Variants in SMAD3 observed in about 807,000 individuals in gnomAD.
The protein encoded by SMAD3 is MAD homolog 3.
In SMAD3, 12 loss-of-function variants were observed where a neutral mutation model predicts 51.8. The observed-to-expected ratio is 0.23, with a 90% CI of 0.15 to 0.38. SMAD3 has a LOEUF of 0.38. Among genes scored for constraint, SMAD3 ranks in the 10% least tolerant of loss-of-function variants. SMAD3 has a pLI of 1.00. For synonymous variants in SMAD3, 238 were observed against 227.7 expected (o/e 1.05, Z -0.41); for missense variants, 294 against 565.6 (o/e 0.52, Z 4.87).
chr15:67,076,739 A>G (rs1960178951), intron 1 of SMAD3, among the ~76,000 whole-genome samples: 1 of 152,208 alleles, frequency 6.6e-6, no homozygotes, highest in Admixed American at 6.5e-5. Flanking sequence ...TTTCCAGATC[A>G]TGCTCAGAGG....
intron 5 of SMAD3, among the ~76,000 whole-genome samples, chr15:67,173,935 T>C (rs1485075844): frequency 7.2e-5 from 11 of 152,086 alleles, no homozygotes; most frequent in Non-Finnish European, 1.3e-4. Flanking sequence ...GGAAGTGGAA[T>C]GGGTTGGGGG....
At chr15:67,160,664 G>A (rs1017640679) in intron 1 of SMAD3, among the ~76,000 whole-genome samples, 3 of 151,586 alleles carry the variant, frequency 2.0e-5, no homozygotes, top group East Asian at 1.9e-4. Flanking sequence ...CCAGTTGCTC[G>A]GGAGGCTGAG....
intron 1 of SMAD3, among the ~76,000 whole-genome samples, chr15:67,133,578 T>A (rs181442547): frequency 1.3e-5 from 2 of 152,284 alleles, no homozygotes; most frequent in East Asian, 3.9e-4. Flanking sequence ...AAAATGAATG[T>A]AGGTGTAGTT....
At chr15:67,071,923 A>G (rs573251994) in intron 1 of SMAD3, among the ~76,000 whole-genome samples, 36 of 152,328 alleles carry the variant, frequency 2.4e-4, no homozygotes, top group African/African-American at 8.2e-4. Context: ...CTTGCTGAGA[A>G]TAAATCCTAG....
At chr15:67,163,432 C>T (rs1011173954) in intron 1 of SMAD3, among the ~76,000 whole-genome samples, 21 of 152,188 alleles carry the variant, frequency 1.4e-4, no homozygotes, top group Admixed American at 1.2e-3. Context: ...CACCTCCTCA[C>T]CTGTCTAATA....
intron 1 of SMAD3, among the ~76,000 whole-genome samples, chr15:67,126,269 T>G (rs963866898): frequency 6.6e-6 from 1 of 152,066 alleles, no homozygotes; most frequent in Non-Finnish European, 1.5e-5. Context: ...ATGAGGAGAT[T>G]GAGGCATGAG....
At position 67,170,579 on chromosome 15, in the gene SMAD3, G is replaced by A. The variant is rs776009102; in HGVS notation, c.633G>A (p.Pro211=). ...GTTCTCCAAACCTATCCCCGAATCC[G>A]ATGTCCCCAGCACATAATAACTTGG... is the stretch of plus-strand genomic sequence containing the variant. ...DAGSPNLSPN[P]MSPAHNNLDL... The change falls in exon 5 of 9, where the codon CCG becomes CCA. Residue 211 remains proline, a synonymous_variant. Coordinates refer to ENST00000327367, the MANE Select transcript of SMAD3 (RefSeq NM_005902.4). 1.8e-5 allele frequency: 29 copies of A among 1,613,808 alleles called. No individual in the cohort carries two copies. The highest frequency in any genetic ancestry group is 1.5e-4 in the South Asian group (14 of 91,082).
chr15:67,183,225 G>A (rs1311455104), intron 6 of SMAD3, among the ~76,000 whole-genome samples: 1 of 150,748 alleles, frequency 6.6e-6, no homozygotes, highest in Non-Finnish European at 1.5e-5. Flanking sequence ...TGTATTTTTA[G>A]TAGATATGGG....
intron 1 of SMAD3, among the ~76,000 whole-genome samples, chr15:67,102,151 G>A (rs560366899): frequency 6.6e-6 from 1 of 152,242 alleles, no homozygotes; most frequent in South Asian, 2.1e-4. Flanking sequence ...CCTGGAAGGC[G>A]AGCTTGTTCA....
chr15:67,140,531 C>T (rs1961790165), intron 1 of SMAD3, among the ~76,000 whole-genome samples: 1 of 152,234 alleles, frequency 6.6e-6, no homozygotes, highest in African/African-American at 2.4e-5. Context: ...AAATGACCTT[C>T]TGAGGGCTCT....
At chr15:67,143,368 T>C (rs890327609) in intron 1 of SMAD3, among the ~76,000 whole-genome samples, 18 of 152,358 alleles carry the variant, frequency 1.2e-4, no homozygotes, top group African/African-American at 4.3e-4. Context: ...ACACAGTCTA[T>C]TGGAGCAAAA....
intron 1 of SMAD3, among the ~76,000 whole-genome samples, chr15:67,136,162 CTG>C (rs1961655341): frequency 2.0e-5 from 3 of 152,216 alleles, no homozygotes; most frequent in Non-Finnish European, 4.4e-5. Flanking sequence ...ACAAACCTAA[CTG>C]CTCTCAAATT....
chr15:67,097,418 G>GT (rs1241867920), intron 1 of SMAD3, among the ~76,000 whole-genome samples: 4 of 151,656 alleles, frequency 2.6e-5, no homozygotes, highest in African/African-American at 9.7e-5. Flanking sequence ...TTTTGTTGTT[G>GT]TTTTTTGTAG....
chr15:67,165,813 C>T (rs373195652), intron 3 of SMAD3, among the ~76,000 whole-genome samples: 52 of 152,308 alleles, frequency 3.4e-4, no homozygotes, highest in African/African-American at 1.2e-3. Context: ...CATCAGGCCT[C>T]GGTGAGGGGC....
chr15:67,116,473 C>T (rs774441457), intron 1 of SMAD3, among the ~76,000 whole-genome samples: 4 of 152,090 alleles, frequency 2.6e-5, no homozygotes, highest in Non-Finnish European at 4.4e-5. Flanking sequence ...ATAACGGTGG[C>T]GCCCATCTCA....
chr15:67,109,884 G>A (rs142187758), intron 1 of SMAD3, among the ~76,000 whole-genome samples: 37 of 152,212 alleles, frequency 2.4e-4, no homozygotes, highest in African/African-American at 8.9e-4. Context: ...CCTCCTCCAC[G>A]GCCCACTTCC....
chr15:67,101,975 T>G (rs895905197), intron 1 of SMAD3, among the ~76,000 whole-genome samples: 18 of 152,356 alleles, frequency 1.2e-4, no homozygotes, highest in Non-Finnish European at 2.4e-4. Context: ...AATTTGCCTT[T>G]GTCTTTAGGA....
chr15:67,126,137 G>A (rs1961381617), intron 1 of SMAD3, among the ~76,000 whole-genome samples: 1 of 152,290 alleles, frequency 6.6e-6, no homozygotes, highest in African/African-American at 2.4e-5. Flanking sequence ...CAGCAGTCGT[G>A]TTTGAGAATG....
intron 5 of SMAD3, among the ~76,000 whole-genome samples, chr15:67,173,586 C>G (rs527523547): frequency 6.6e-6 from 1 of 152,154 alleles, no homozygotes; most frequent in East Asian, 1.9e-4. Flanking sequence ...GGGAAAAGAC[C>G]CCTGAGTGTC....
Sources: allele counts gnomAD v4.1 joint callset (sites outside exome capture counted in the v4.1 genomes callset), GRCh38; gene constraint gnomAD v4.1.1; transcripts MANE v1.5; gene names NCBI Gene and HGNC (gene_info 2026-07-23, HGNC 2026-07-21).